The following VPS13A variants were observed in gnomAD, a reference collection of about 807,000 sequenced individuals.
VPS13A encodes vacuolar protein sorting 13 homolog A.
A neutral mutation model predicts 390.9 loss-of-function variants in VPS13A; 264 were observed. The observed-to-expected ratio is 0.68, with a 90% CI of 0.61 to 0.75. The LOEUF is 0.75. VPS13A is among the 30% of genes least tolerant of loss of function. The pLI, the probability that VPS13A is intolerant of heterozygous loss-of-function variation, is 0.00. For missense variants in VPS13A, 3,409 were observed against 3,733.9 expected, an observed-to-expected ratio of 0.91 and a Z score of 2.27; for synonymous variants, 1,231 against 1,227.1, an observed-to-expected ratio of 1.00 and a Z score of -0.07.
chr9:77,329,741 A>G (rs1012742986), intron 45 of VPS13A, among the ~76,000 whole-genome samples: 2 of 152,222 alleles, frequency 1.3e-5, no homozygotes, highest in Non-Finnish European at 2.9e-5. Flanking sequence ...AAAATGAAAT[A>G]TCTGCAATTC....
intron 45 of VPS13A, among the ~76,000 whole-genome samples, 161 bp from the exon 46 acceptor site, chr9:77,331,849 T>G (rs1318231293): frequency 6.6e-6 from 1 of 152,018 alleles, no homozygotes; most frequent in African/African-American, 2.4e-5. Context: ...CTTGTATGTT[T>G]TAGGATAAAT....
At chr9:77,337,165 A>G in intron 46 of VPS13A, 90 bp from the exon 47 acceptor site, 1 of 1,195,966 alleles carries the variant, frequency 8.4e-7, no homozygotes, top group Non-Finnish European at 1.2e-6. Flanking sequence ...TTATGAAAGG[A>G]GGTAAGTTTG....
At chr9:77,261,055 G>A (rs1281390469) in intron 23 of VPS13A, among the ~76,000 whole-genome samples, 2 of 151,914 alleles carry the variant, frequency 1.3e-5, no homozygotes, top group Non-Finnish European at 1.5e-5. Context: ...CCGCCACCAC[G>A]CCAGCTAATT....
chr9:77,236,886 C>G (rs1253650956), intron 17 of VPS13A, among the ~76,000 whole-genome samples: 3 of 152,052 alleles, frequency 2.0e-5, no homozygotes, highest in Non-Finnish European at 4.4e-5. Context: ...CTGTTCTTAT[C>G]AAGTTTTAGT....
At chr9:77,205,950 T>C (rs763736030) in intron 4 of VPS13A, 28 bp from the exon 5 acceptor site, 18 of 1,444,622 alleles carry the variant, frequency 1.2e-5, no homozygotes, top group Non-Finnish European at 1.7e-5. Context: ...AAGGTAGTTA[T>C]GATTCTTCCT....
intron 53 of VPS13A, among the ~76,000 whole-genome samples, chr9:77,351,914 A>G (rs968186937): frequency 5.3e-5 from 8 of 152,170 alleles, no homozygotes; most frequent in African/African-American, 1.4e-4. Flanking sequence ...CAGCCTTCCT[A>G]GTTTTAAGGA....
chr9:77,286,740 A>G (rs1240237753), intron 31 of VPS13A, among the ~76,000 whole-genome samples: 2 of 152,150 alleles, frequency 1.3e-5, no homozygotes, highest in East Asian at 1.9e-4. Flanking sequence ...TGGTCTAGCA[A>G]TTTTATGGGT....
At position 77,247,339 on chromosome 9, in the gene VPS13A, G is replaced by A; in HGVS notation, c.1981G>A (p.Asp661Asn). 1 of 1,612,562 alleles carries A rather than the reference G, an allele frequency of 6.2e-7. No homozygotes were observed. The highest frequency in any genetic ancestry group is 8.5e-7 in the Non-Finnish European group (1 of 1,179,314). Reference protein sequence around the residue: ...LKASYIIVPQDGIFSPTSNLL... With the variant: ...LKASYIIVPQNGIFSPTSNLL... ...GGCTTCATATATTATTGTCCCACAA[G>A]ATGGAATTTTTAGTCCTACATCAAA... The change falls in exon 20 of 72, where the codon GAT (aspartate) becomes AAT (asparagine). Residue 661 changes from aspartate to asparagine, a missense_variant. By Grantham distance (23) the Asp-to-Asn change is conservative. Around this residue, in one of 5 missense-constraint regions of VPS13A, gnomAD observed 2,717 missense variants for 2,917.4 expected, o/e 0.93. Transcript: ENST00000360280.
At chr9:77,407,833 TG>T (rs1473751913) in intron 71 of VPS13A, among the ~76,000 whole-genome samples, 1 of 152,194 alleles carries the variant, frequency 6.6e-6, no homozygotes, top group Non-Finnish European at 1.5e-5. Flanking sequence ...CAAACCAGAT[TG>T]CTCCATCTTA....
At chr9:77,347,449 G>T (rs903606849) in intron 52 of VPS13A, among the ~76,000 whole-genome samples, 1 of 151,888 alleles carries the variant, frequency 6.6e-6, no homozygotes, top group East Asian at 1.9e-4. Flanking sequence ...ATTTTTATGC[G>T]TTGTTTTGTT....
chr9:77,289,639 A>G (rs1379387559), intron 31 of VPS13A, among the ~76,000 whole-genome samples: 1 of 152,116 alleles, frequency 6.6e-6, no homozygotes, highest in East Asian at 1.9e-4. Context: ...ATGTGTACCT[A>G]TTGAATTTGG....
intron 71 of VPS13A, among the ~76,000 whole-genome samples, chr9:77,411,971 T>C (rs1366590069): frequency 6.6e-6 from 1 of 152,042 alleles, no homozygotes; most frequent in African/African-American, 2.4e-5. Context: ...AACACCTCTA[T>C]GCAAATAAAC....
chr9:77,303,975 T>G (rs543024720), intron 34 of VPS13A, among the ~76,000 whole-genome samples: 1 of 152,142 alleles, frequency 6.6e-6, no homozygotes, highest in African/African-American at 2.4e-5. Flanking sequence ...TTTCCTCTTT[T>G]ACTAATCCAC....
At chr9:77,277,260 T>C (rs1353770603) in intron 26 of VPS13A, among the ~76,000 whole-genome samples, 1 of 152,174 alleles carries the variant, frequency 6.6e-6, no homozygotes, top group African/African-American at 2.4e-5. Flanking sequence ...GAAATAAAAT[T>C]TTTTAAATAG....
At chr9:77,290,825 A>G (rs912540121) in intron 31 of VPS13A, among the ~76,000 whole-genome samples, 2 of 152,060 alleles carry the variant, frequency 1.3e-5, no homozygotes, top group Non-Finnish European at 2.9e-5. Flanking sequence ...AATAATATTC[A>G]CCATCTATTC....
At position 77,370,926 on chromosome 9, in the gene VPS13A, CCAAT is replaced by C; in HGVS notation, c.8948_8951del (p.Ile2983LysfsTer19). On this transcript the variant is annotated frameshift_variant, in exon 66 of 72. Transcript: ENST00000360280. LOFTEE classifies it high-confidence loss of function. ...TGGCATAACAGGAATTGTTACAAAA[CCAAT>C]CAAAGGCAAGTATAGTAGTTCCTTT... 1 of 1,613,868 alleles carries C rather than the reference CCAAT, an allele frequency of 6.2e-7. No individual in the cohort carries two copies. The highest frequency in any genetic ancestry group is 8.5e-7 in the Non-Finnish European group (1 of 1,179,978).
intron 61 of VPS13A, 27 bp from the exon 62 acceptor site, chr9:77,368,028 G>A (rs1402487242): frequency 3.2e-6 from 5 of 1,587,238 alleles, no homozygotes; most frequent in Non-Finnish European, 4.3e-6. Context: ...CACATGTACA[G>A]ACAATATATT....
At chr9:77,179,931 C>T (rs1380679442) in intron 1 of VPS13A, among the ~76,000 whole-genome samples, 1 of 152,098 alleles carries the variant, frequency 6.6e-6, no homozygotes, top group Admixed American at 6.5e-5. Context: ...TTTGGTAATT[C>T]TGGACATTTC....
At chr9:77,229,341 G>A (rs1191555767) in intron 17 of VPS13A, among the ~76,000 whole-genome samples, 4 of 152,104 alleles carry the variant, frequency 2.6e-5, no homozygotes, top group African/African-American at 4.8e-5. Context: ...TCAGCCTCCC[G>A]AAGTGCTGGA....
Sources: gnomAD v4.1 joint callset for allele counts (sites outside exome capture counted in the v4.1 genomes callset) on GRCh38, gnomAD v4.1.1 for gene constraint, gnomAD v4.1.1 regional missense constraint, MANE v1.5 for transcripts, NCBI Gene and HGNC (gene_info 2026-07-23, HGNC 2026-07-21) for gene names.